Variants in LARGE1 observed in about 807,000 individuals in gnomAD.
The protein encoded by LARGE1 is LARGE xylosyl- and glucuronyltransferase 1, also known as xylosyl- and glucuronyltransferase LARGE1.
LARGE1 carries 43 observed loss-of-function variants against 87.6 expected under a neutral mutation model. The ratio of observed to expected loss-of-function variants is 0.49; its 90% CI spans 0.38 to 0.63. The LOEUF (loss-of-function observed/expected upper bound fraction) is 0.63, where lower values mean the gene tolerates loss of function less well. Among genes scored for constraint, LARGE1 ranks in the 30% least tolerant of loss-of-function variants. The probability of loss-of-function intolerance (pLI) is 0.00; values close to 1 mark genes in which losing one functional copy is unlikely to be tolerated. For missense variants in LARGE1, 802 were observed against 1,000.2 expected, an observed-to-expected ratio of 0.80 and a Z score of 2.67; for synonymous variants, 434 against 394.6, an observed-to-expected ratio of 1.10 and a Z score of -1.18.
intron 7 of LARGE1, among the ~76,000 whole-genome samples, chr22:33,422,861 C>A (rs372123478): frequency 1.5e-4 from 23 of 152,222 alleles, no homozygotes; most frequent in African/African-American, 5.5e-4. Context: ...GAGAAATCCA[C>A]CCCCATGATC....
At chr22:33,782,287 A>G (rs773715877) in intron 1 of LARGE1, among the ~76,000 whole-genome samples, 1 of 152,176 alleles carries the variant, frequency 6.6e-6, no homozygotes, top group Non-Finnish European at 1.5e-5. Flanking sequence ...TGTCTCTCCC[A>G]GTCCAAATCC....
chr22:33,135,900 T>C, the LARGE1 span, among the ~76,000 whole-genome samples: 1 of 151,782 alleles, frequency 6.6e-6, no homozygotes. Context: ...CCAACAGAAA[T>C]AAAATAATAG....
At chr22:33,292,732 G>A (rs1932771022) in intron 12 of LARGE1, among the ~76,000 whole-genome samples, 1 of 152,088 alleles carries the variant, frequency 6.6e-6, no homozygotes, top group Admixed American at 6.5e-5. Flanking sequence ...GGTACCTCTC[G>A]TGGCATGCCA....
At chr22:33,716,726 A>G (rs1221315957) in intron 2 of LARGE1, among the ~76,000 whole-genome samples, 3 of 152,190 alleles carry the variant, frequency 2.0e-5, no homozygotes, top group African/African-American at 7.2e-5. Context: ...CTGAGCCTCT[A>G]TTATGTGTCA....
chr22:33,789,866 T>G (rs1440770971), intron 1 of LARGE1, among the ~76,000 whole-genome samples: 1 of 152,142 alleles, frequency 6.6e-6, no homozygotes, highest in African/African-American at 2.4e-5. Context: ...TTTACAGGCT[T>G]ATAGGTGGAA....
chr22:33,640,468 A>G (rs1009396441), intron 3 of LARGE1, among the ~76,000 whole-genome samples: 2 of 152,248 alleles, frequency 1.3e-5, no homozygotes, highest in African/African-American at 4.8e-5. Context: ...CTCAAGTGCA[A>G]AAGACTAGAA....
chr22:33,150,548 C>T, the LARGE1 span, among the ~76,000 whole-genome samples: 1 of 152,106 alleles, frequency 6.6e-6, no homozygotes, highest in Non-Finnish European at 1.5e-5. Context: ...TCCCAAATTC[C>T]AGAGATTAAG....
At chr22:33,713,982 G>GTAACATAACATAACATAACATAACA (rs71187278) in intron 2 of LARGE1, among the ~76,000 whole-genome samples, 2 of 126,150 alleles carry the variant, frequency 1.6e-5, no homozygotes, top group East Asian at 2.5e-4. Context: ...GTAACATAAC[G>GTAACATAACATAACATAACATAACA]TAACATAACA....
intron 2 of LARGE1, among the ~76,000 whole-genome samples, chr22:33,728,406 GT>G (rs1273160926): frequency 1.3e-5 from 2 of 151,842 alleles, no homozygotes; most frequent in African/African-American, 4.8e-5. Flanking sequence ...AGGCACGGGG[GT>G]GCATGCCTGT....
chr22:33,855,739 G>A (rs1368258528), intron 1 of LARGE1, among the ~76,000 whole-genome samples: 1 of 152,052 alleles, frequency 6.6e-6, no homozygotes, highest in Non-Finnish European at 1.5e-5. Flanking sequence ...GAGTGGGGGG[G>A]TTCCTTACTT....
intron 1 of LARGE1, among the ~76,000 whole-genome samples, chr22:33,801,966 T>C (rs1758523522): frequency 6.6e-6 from 1 of 151,344 alleles, no homozygotes; most frequent in Non-Finnish European, 1.5e-5. Flanking sequence ...CTAATGAAAA[T>C]AATATCTTCA....
chr22:33,654,225 C>T (rs866665189), intron 2 of LARGE1, among the ~76,000 whole-genome samples: 1 of 152,206 alleles, frequency 6.6e-6, no homozygotes, highest in Non-Finnish European at 1.5e-5. Flanking sequence ...AAAAAAGCAA[C>T]ATTCATGCTG....
intron 1 of LARGE1, among the ~76,000 whole-genome samples, chr22:33,900,773 G>T (rs144701292): frequency 6.6e-6 from 1 of 152,182 alleles, no homozygotes; most frequent in Non-Finnish European, 1.5e-5. Context: ...CTGGCTGGGC[G>T]CAGTGGCTCA....
chr22:33,603,946 C>T (rs991154929), intron 5 of LARGE1, among the ~76,000 whole-genome samples: 8 of 152,218 alleles, frequency 5.3e-5, no homozygotes, highest in Non-Finnish European at 8.8e-5. Context: ...AATATATTCT[C>T]TCATTTGAGC....
chr22:33,774,869 C>T (rs79217516), intron 1 of LARGE1, among the ~76,000 whole-genome samples: 1,977 of 152,258 alleles, frequency 0.013, 50 homozygotes, highest in African/African-American at 0.045. Context: ...TAGTGGCCAC[C>T]GTGCTGGACT....
chr22:33,845,632 C>A (rs1397309961), intron 1 of LARGE1, among the ~76,000 whole-genome samples: 1 of 152,108 alleles, frequency 6.6e-6, no homozygotes, highest in Non-Finnish European at 1.5e-5. Context: ...TAATGCATAT[C>A]TTTAGGAAAT....
At chr22:33,658,851 G>A (rs1310947112) in intron 2 of LARGE1, among the ~76,000 whole-genome samples, 4 of 152,176 alleles carry the variant, frequency 2.6e-5, no homozygotes, top group African/African-American at 9.6e-5. Context: ...AATGAAGGTT[G>A]AGAAATGCTG....
intron 7 of LARGE1, among the ~76,000 whole-genome samples, chr22:33,389,807 T>C (rs2147190361): frequency 6.6e-6 from 1 of 152,284 alleles, no homozygotes; most frequent in East Asian, 1.9e-4. Flanking sequence ...ACTGCATCAC[T>C]GTACTCCAGC....
At chr22:33,072,821 A>T in the LARGE1 span, among the ~76,000 whole-genome samples, 1 of 152,068 alleles carries the variant, frequency 6.6e-6, no homozygotes, top group African/African-American at 2.4e-5. Flanking sequence ...TAGCCTGAAG[A>T]CCTTTTCTCA....
Sources: gnomAD v4.1 joint callset for allele counts (sites outside exome capture counted in the v4.1 genomes callset) on GRCh38, gnomAD v4.1.1 for gene constraint, MANE v1.5 for transcripts, NCBI Gene and HGNC (gene_info 2026-07-23, HGNC 2026-07-21) for gene names.